RYR3: variants seen among roughly 807,000 people sequenced by gnomAD.
RYR3 encodes ryanodine receptor 3.
Under a neutral mutation model 584.3 loss-of-function variants are expected in RYR3, and 207 were observed. The observed-to-expected ratio is 0.35, with a 90% CI of 0.32 to 0.40. The LOEUF is 0.40. Among genes scored for constraint, RYR3 ranks in the 10% least tolerant of loss-of-function variants. The pLI is 1.00. For synonymous variants in RYR3, 2,416 were observed against 2,248.5 expected, an observed-to-expected ratio of 1.07 and a Z score of -2.11; for missense variants, 5,616 against 6,089.2, an observed-to-expected ratio of 0.92 and a Z score of 2.59.
intron 5 of RYR3, among the ~76,000 whole-genome samples, chr15:33,538,412 G>A (rs914829285): frequency 6.6e-6 from 1 of 152,156 alleles, no homozygotes; most frequent in African/African-American, 2.4e-5. Flanking sequence ...TGGAGGGAGG[G>A]AGGGAAAGGA....
intron 1 of RYR3, among the ~76,000 whole-genome samples, chr15:33,346,575 T>C (rs1263159942): frequency 6.6e-6 from 1 of 152,228 alleles, no homozygotes; most frequent in African/African-American, 2.4e-5. Flanking sequence ...GATATCCAAA[T>C]GTAAGAACTG....
intron 84 of RYR3, 37 bp downstream of exon 84, chr15:33,826,789 C>T: frequency 7.2e-7 from 1 of 1,389,618 alleles, no homozygotes. Flanking sequence ...GGAAACACAG[C>T]ACTCGGGCAA....
At chr15:33,809,636 TTTG>T (rs1249994783) in intron 70 of RYR3, among the ~76,000 whole-genome samples, 165 of 151,460 alleles carry the variant, frequency 1.1e-3, no homozygotes, top group African/African-American at 3.1e-3. Context: ...TTTTTAATGT[TTTG>T]TTGTTGTTGT....
intron 64 of RYR3, among the ~76,000 whole-genome samples, chr15:33,777,788 GAAAAA>G (rs71117173): frequency 6.9e-6 from 1 of 144,132 alleles, no homozygotes; most frequent in African/African-American, 2.5e-5. Context: ...AAAGAAAGAG[GAAAAA>G]AAAAAAAAAG....
intron 1 of RYR3, among the ~76,000 whole-genome samples, chr15:33,379,690 T>TAC (rs2041041845): frequency 9.0e-6 from 1 of 110,878 alleles, no homozygotes; most frequent in Non-Finnish European, 1.9e-5. Context: ...TCTCTCTCTA[T>TAC]ATATATATAT....
intron 80 of RYR3, 122 bp downstream of exon 80, chr15:33,821,724 G>A (rs543518224): frequency 3.0e-4 from 270 of 893,922 alleles, no homozygotes; most frequent in African/African-American, 6.1e-4. Flanking sequence ...CTTAGCTCAC[G>A]TTTGTCCTTA....
intron 3 of RYR3, among the ~76,000 whole-genome samples, chr15:33,528,525 GGT>G (rs887682713): frequency 2.0e-5 from 3 of 152,092 alleles, no homozygotes; most frequent in African/African-American, 7.2e-5. Flanking sequence ...TATTTTAATA[GGT>G]GTTTCCATTT....
chr15:33,543,034 G>C (rs149001716), intron 7 of RYR3, among the ~76,000 whole-genome samples: 42 of 152,184 alleles, frequency 2.8e-4, no homozygotes, highest in East Asian at 2.5e-3. Flanking sequence ...TGATGAAAGC[G>C]TCTACACTTG....
At chr15:33,536,163 C>A (rs958272428) in intron 5 of RYR3, among the ~76,000 whole-genome samples, 2 of 152,308 alleles carry the variant, frequency 1.3e-5, no homozygotes, top group African/African-American at 4.8e-5. Context: ...TCTGAATGCA[C>A]TTCTGGCTCA....
At chr15:33,313,156 G>C (rs531040051) in intron 1 of RYR3, among the ~76,000 whole-genome samples, 34 of 152,248 alleles carry the variant, frequency 2.2e-4, no homozygotes, top group African/African-American at 7.9e-4. Flanking sequence ...ATTTTTTAAG[G>C]TGTGTTCCTC....
chr15:33,509,350 A>G (rs2052761470), intron 3 of RYR3, among the ~76,000 whole-genome samples: 2 of 152,176 alleles, frequency 1.3e-5, no homozygotes, highest in Admixed American at 6.5e-5. Context: ...CAACATTTTT[A>G]TACCATAGAA....
At position 33,388,177 on chromosome 15, in the gene RYR3, T is replaced by G. The variant is rs542833412; in HGVS notation, c.51+77081T>G. On this transcript the variant is annotated intron_variant, in intron 1 of 103. Coordinates refer to ENST00000634891, the MANE Select transcript of RYR3 (RefSeq NM_001036.6). ...GCCACCTGCAAAAGATCAGGAACCA[T>G]AGCAACAAAGGATGTGATAGTTGAT... Among the ~76,000 whole-genome samples the G allele has an allele frequency of 1.2e-3, 178 of 152,242 alleles. 1 individual carries two copies. Among genetic ancestry groups the G allele is most frequent in the Non-Finnish European group, 2.2e-3 (153 of 68,002 alleles).
At chr15:33,722,494 C>G in intron 43 of RYR3, 1 of 553,056 alleles carries the variant, frequency 1.8e-6, no homozygotes, top group Non-Finnish European at 3.1e-6. Context: ...GTAGATGAGG[C>G]TGGTTCAAGT....
At chr15:33,813,023 G>A in intron 73 of RYR3, 29 bp downstream of exon 73, 1 of 1,613,482 alleles carries the variant, frequency 6.2e-7, no homozygotes, top group Non-Finnish European at 8.5e-7. Flanking sequence ...GAGGAATGGG[G>A]AAGCAGAAAC....
intron 2 of RYR3, among the ~76,000 whole-genome samples, chr15:33,485,690 C>T (rs1191093483): frequency 1.3e-5 from 2 of 152,136 alleles, no homozygotes; most frequent in Non-Finnish European, 2.9e-5. Context: ...GGTTGAAGAC[C>T]ACTTGAGGAT....
intron 3 of RYR3, among the ~76,000 whole-genome samples, chr15:33,507,629 A>G (rs1317173188): frequency 1.3e-5 from 2 of 152,120 alleles, no homozygotes; most frequent in African/African-American, 4.8e-5. Context: ...GCCAAAAGAG[A>G]TGTCCCCACC....
chr15:33,455,716 G>C (rs919858828), intron 1 of RYR3, among the ~76,000 whole-genome samples: 1 of 152,182 alleles, frequency 6.6e-6, no homozygotes, highest in African/African-American at 2.4e-5. Flanking sequence ...CATAGGAACA[G>C]AGGCCAAGAA....
intron 1 of RYR3, among the ~76,000 whole-genome samples, chr15:33,322,516 A>G (rs960675019): frequency 6.6e-6 from 1 of 152,208 alleles, no homozygotes; most frequent in Non-Finnish European, 1.5e-5. Flanking sequence ...TTACAATTCA[A>G]CAAGAGATTT....
chr15:33,672,118 C>CCCA (rs2063884235), intron 38 of RYR3, among the ~76,000 whole-genome samples: 1 of 152,092 alleles, frequency 6.6e-6, no homozygotes, highest in Admixed American at 6.6e-5. Flanking sequence ...CTGGCCCTTT[C>CCCA]CCACCTTCTT....
Sources: allele counts gnomAD v4.1 joint callset (sites outside exome capture counted in the v4.1 genomes callset), GRCh38; gene constraint gnomAD v4.1.1; transcripts MANE v1.5; gene names NCBI Gene and HGNC (gene_info 2026-07-23, HGNC 2026-07-21).